The following MAEL variants were observed in gnomAD, a reference collection of about 807,000 sequenced individuals.
The protein encoded by MAEL is maelstrom spermatogenic transposon silencer.
In MAEL, 46 loss-of-function variants were observed where a neutral mutation model predicts 62.0. The ratio of observed to expected loss-of-function variants is 0.74; its 90% CI spans 0.59 to 0.95. The LOEUF is 0.95. MAEL is among the 40% of genes least tolerant of loss of function. The pLI is 0.00. For synonymous variants in MAEL, 172 were observed against 175.5 expected (o/e 0.98, Z 0.16); for missense variants, 497 against 526.8 (o/e 0.94, Z 0.55).
intron 5 of MAEL, among the ~76,000 whole-genome samples, chr1:166,998,857 T>G (rs1664540083): frequency 6.6e-6 from 1 of 152,256 alleles, no homozygotes; most frequent in African/African-American, 2.4e-5. Context: ...TCTCGCAATA[T>G]TTCAAACTTT....
intron 1 of MAEL, among the ~76,000 whole-genome samples, chr1:166,983,714 AAAG>A (rs1663830198): frequency 6.6e-6 from 1 of 152,120 alleles, no homozygotes; most frequent in Non-Finnish European, 1.5e-5. Context: ...CAATTTTATC[AAAG>A]AAGGAGAGGA....
At chr1:167,007,628 T>C (rs1664984597) in intron 8 of MAEL, among the ~76,000 whole-genome samples, 1 of 150,502 alleles carries the variant, frequency 6.6e-6, no homozygotes, top group Admixed American at 6.6e-5. Context: ...ATACATCTGT[T>C]TGTAGCTAGG....
At chr1:166,977,692 A>G (rs1663634595) in intron 1 of MAEL, among the ~76,000 whole-genome samples, 1 of 152,186 alleles carries the variant, frequency 6.6e-6, no homozygotes, top group Non-Finnish European at 1.5e-5. Context: ...AGTGGCTCAC[A>G]CCTGTAATCT....
chr1:167,000,089 T>C (rs1271748470), intron 5 of MAEL, among the ~76,000 whole-genome samples: 1 of 152,234 alleles, frequency 6.6e-6, no homozygotes, highest in Non-Finnish European at 1.5e-5. Flanking sequence ...ATATTCATTC[T>C]GTAGCCCATG....
intron 2 of MAEL, 90 bp from the exon 3 acceptor site, chr1:166,991,288 C>T (rs1245112037): frequency 3.9e-6 from 3 of 766,002 alleles, no homozygotes. Context: ...AATCTATAGG[C>T]TGTTTTGCAG....
intron 6 of MAEL, 53 bp from the exon 7 acceptor site, chr1:167,005,023 G>GAGA: frequency 1.3e-6 from 2 of 1,548,184 alleles, no homozygotes; most frequent in Non-Finnish European, 1.8e-6. Flanking sequence ...TTCAAAGTAG[G>GAGA]AGAAGATACA....
In MAEL at chr1:167,021,877, C is replaced by G; in HGVS notation, c.*22C>G. On this transcript the variant is annotated 3_prime_UTR_variant, in exon 12 of 12. Coordinates refer to ENST00000367872, the MANE Select transcript of MAEL (RefSeq NM_032858.3). The stretch of plus-strand genomic sequence containing the variant: ...TTAATGATGGTACTCTTTTCAATTT[C>G]TGAAAACAGTAACAGGCCCAACTTC... 6.5e-7 allele frequency: 1 copy of G among 1,534,262 alleles called. No homozygotes were observed. The highest frequency in any genetic ancestry group is 8.9e-7 in the Non-Finnish European group (1 of 1,118,990).
At chr1:167,004,821 AGGT>A (rs1664823666) in intron 6 of MAEL, among the ~76,000 whole-genome samples, 1 of 152,086 alleles carries the variant, frequency 6.6e-6, no homozygotes, top group Non-Finnish European at 1.5e-5. Context: ...TGCATACCCT[AGGT>A]CTCTCTTGCT....
intron 1 of MAEL, among the ~76,000 whole-genome samples, chr1:166,980,711 T>C (rs79387847): frequency 1.9e-3 from 284 of 152,338 alleles, no homozygotes; most frequent in African/African-American, 6.5e-3. Flanking sequence ...TCTGTTTTTA[T>C]TTCATGGTTA....
At chr1:167,013,545 C>T (rs1665257415) in intron 8 of MAEL, among the ~76,000 whole-genome samples, 1 of 152,162 alleles carries the variant, frequency 6.6e-6, no homozygotes, top group South Asian at 2.1e-4. Flanking sequence ...CTGCAAAGTG[C>T]TCTGTCTTTC....
At chr1:166,985,449 T>A (rs1046696673), upstream of MAEL, among the ~76,000 whole-genome samples, 3 of 152,226 alleles carry the variant, frequency 2.0e-5, no homozygotes, top group Non-Finnish European at 4.4e-5. Context: ...GGATTACAAG[T>A]AACCATCCTT....
chr1:166,990,207 G>C (rs1166816176), intron 2 of MAEL: 3 of 150,540 alleles, frequency 2.0e-5, no homozygotes, highest in Non-Finnish European at 4.4e-5. Flanking sequence ...GTGGGCAGTG[G>C]GGGCTTAAAA....
chr1:166,982,032 A>G, intron 1 of MAEL, among the ~76,000 whole-genome samples: 1 of 152,300 alleles, frequency 6.6e-6, no homozygotes, highest in Middle Eastern at 3.4e-3. Flanking sequence ...CAAGCACCTA[A>G]CAAGGGGCAG....
chr1:167,014,465 T>C (rs1665296703), intron 8 of MAEL, among the ~76,000 whole-genome samples: 1 of 152,144 alleles, frequency 6.6e-6, no homozygotes, highest in Admixed American at 6.5e-5. Flanking sequence ...GGCCTCAGAA[T>C]CTCCTGTCCA....
At chr1:167,009,641 A>G (rs1665081654) in intron 8 of MAEL, among the ~76,000 whole-genome samples, 1 of 150,106 alleles carries the variant, frequency 6.7e-6, no homozygotes, top group African/African-American at 2.5e-5. Flanking sequence ...TCCACTGTCT[A>G]ATGTTTCTTC....
At chr1:166,986,156 GA>G (rs1456289296), upstream of MAEL, among the ~76,000 whole-genome samples, 4 of 151,882 alleles carry the variant, frequency 2.6e-5, no homozygotes, top group Admixed American at 2.0e-4. Flanking sequence ...AAGACTGAAG[GA>G]AAAAAATGAA....
intron 8 of MAEL, among the ~76,000 whole-genome samples, chr1:167,015,081 C>G (rs992794492): frequency 1.3e-5 from 2 of 152,168 alleles, no homozygotes; most frequent in African/African-American, 4.8e-5. Context: ...ACTCCCAATC[C>G]AGAAGAATGA....
rs200881169 is a variant in MAEL at position 167,006,601 on chromosome 1, C to CTATATATATA, written c.845+1231_845+1240dup. ...CTATTGGAAAGTTACTGGTTTTTTACTATATATATATATATATATATATAT... is the reference window on the plus strand; with the variant it reads ...CTATTGGAAAGTTACTGGTTTTTTACTATATATATATATATATATATATATATATATATAT... On this transcript the variant is annotated intron_variant, in intron 8 of 11. Coordinates refer to ENST00000367872, the MANE Select transcript of MAEL (RefSeq NM_032858.3). Among the ~76,000 whole-genome samples the CTATATATATA allele has an allele frequency of 9.6e-3, 934 of 97,776 alleles. 18 individuals are homozygous for CTATATATATA. The highest frequency in any genetic ancestry group is 0.011 in the Non-Finnish European group (522 of 48,402). The allele number at this position is 97,776 out of a possible 152,430, so 64.1% of individuals were successfully genotyped here. A position where few individuals can be genotyped will look rare whatever the true frequency, so the allele number is the denominator to read the frequency against.
chr1:167,003,900 T>C (rs1429064984), intron 5 of MAEL, among the ~76,000 whole-genome samples: 1 of 152,178 alleles, frequency 6.6e-6, no homozygotes, highest in Non-Finnish European at 1.5e-5. Context: ...AAACCTGGGT[T>C]TAAGTCATGA....
Sources: gnomAD v4.1 joint callset for allele counts (sites outside exome capture counted in the v4.1 genomes callset) on GRCh38, gnomAD v4.1.1 for gene constraint, MANE v1.5 for transcripts, NCBI Gene and HGNC (gene_info 2026-07-23, HGNC 2026-07-21) for gene names.